FOXP1: variants seen among roughly 807,000 people sequenced by gnomAD.
FOXP1 encodes the protein forkhead box protein P1.
Under a neutral mutation model 98.2 loss-of-function variants are expected in FOXP1, and 15 were observed. That is an observed-to-expected ratio of 0.15 (90% CI 0.10 to 0.24). The LOEUF (loss-of-function observed/expected upper bound fraction) is 0.24, where lower values mean the gene tolerates loss of function less well. FOXP1 is among the 10% of genes least tolerant of loss of function. The probability of loss-of-function intolerance (pLI) is 1.00; values close to 1 mark genes in which losing one functional copy is unlikely to be tolerated. For synonymous variants in FOXP1, 371 were observed against 314.5 expected, an observed-to-expected ratio of 1.18 and a Z score of -1.90; for missense variants, 633 against 848.5, an observed-to-expected ratio of 0.75 and a Z score of 3.15.
chr3:71,038,128 G>T (rs1348964149), intron 11 of FOXP1, among the ~76,000 whole-genome samples: 8 of 152,210 alleles, frequency 5.3e-5, no homozygotes, highest in Non-Finnish European at 1.0e-4. Flanking sequence ...GGGGGCAAGA[G>T]TGGGGGAGAA....
At chr3:70,970,600 G>A (rs901612167) in intron 19 of FOXP1, 136 bp downstream of exon 19, 5 of 804,254 alleles carry the variant, frequency 6.2e-6, no homozygotes, top group African/African-American at 1.7e-5. Flanking sequence ...CAGGGAGTAT[G>A]ATGCTTTGTG....
rs566024265 is a variant in FOXP1, at chr3:71,096,445, G to A, written c.282+16091C>T. On this transcript the variant is annotated intron_variant, in intron 7 of 20. Coordinates refer to ENST00000649528, the MANE Select transcript of FOXP1 (RefSeq NM_001349338.3). ...GGGTAATAATTACCTTAGTTCTGATGCACCCCTAGGATTGAAAACCACTGA... is the reference window on the plus strand; with the variant it reads ...GGGTAATAATTACCTTAGTTCTGATACACCCCTAGGATTGAAAACCACTGA... Among the ~76,000 whole-genome samples the A allele has an allele frequency of 5.9e-5, 9 of 152,226 alleles. No individual in the cohort carries two copies. In the East Asian group the frequency reaches 7.7e-4, roughly 13 times the overall value.
rs1279866371 is a variant in FOXP1 at position 71,550,481 on chromosome 3, T to C, written c.-298+31068A>G. Among the ~76,000 whole-genome samples the C allele has an allele frequency of 3.9e-5, 6 of 152,336 alleles. No homozygotes were observed. The East Asian group carries it at 7.7e-4, about 20-fold the overall frequency. On this transcript the variant is annotated intron_variant, in intron 2 of 20. Transcript: ENST00000649528. ...ATATTTATAAAAACAATTAAAATCATACTGCCACAGAAGTTTTATTTAGTT... is the reference window on the plus strand; with the variant it reads ...ATATTTATAAAAACAATTAAAATCACACTGCCACAGAAGTTTTATTTAGTT...
chr3:71,344,801 C>A (rs954912045), intron 4 of FOXP1, among the ~76,000 whole-genome samples: 4 of 117,294 alleles, frequency 3.4e-5, no homozygotes, highest in Non-Finnish European at 7.6e-5. Flanking sequence ...CCATTGCAGT[C>A]CAGCCTGGGG....
At chr3:71,489,540 C>T (rs1007888290) in intron 3 of FOXP1, among the ~76,000 whole-genome samples, 21 of 152,222 alleles carry the variant, frequency 1.4e-4, no homozygotes, top group Non-Finnish European at 2.2e-4. Context: ...CTGTGGCTAA[C>T]TGCCGATTAA....
chr3:71,294,110 G>A (rs78811924), intron 5 of FOXP1, among the ~76,000 whole-genome samples: 1,540 of 152,276 alleles, frequency 0.01, 9 homozygotes, highest in Middle Eastern at 0.02. Flanking sequence ...AGGGGATGGC[G>A]GGAGGGCAGA....
rs1389192319 is a variant in FOXP1 at position 71,041,356 on chromosome 3, G to A, written c.841C>T (p.Leu281Phe). ...TCCCTTTTGGGAGTGTGGACTGAGAGCTGTCCATTGGTAGAGGCATGTGGG... is the reference window on the plus strand; with the variant it reads ...TCCCTTTTGGGAGTGTGGACTGAGAACTGTCCATTGGTAGAGGCATGTGGG... ...MNPHASTNGQ[L>F]SVHTPKRESL... Residue 281 changes from leucine to phenylalanine, a missense_variant, in exon 11 of 21, where the codon CTC (leucine) becomes TTC (phenylalanine). Around this residue, in one of 6 missense-constraint regions of FOXP1, gnomAD observed 210 missense variants for 270.6 expected, o/e 0.78. Transcript: ENST00000649528. The A allele has an allele frequency of 6.2e-7, 1 of 1,613,684 alleles. No homozygotes were observed. The highest frequency in any genetic ancestry group is 1.1e-5 in the South Asian group (1 of 91,084).
chr3:71,019,265 A>C (rs1440238044), intron 11 of FOXP1, among the ~76,000 whole-genome samples: 1 of 152,240 alleles, frequency 6.6e-6, no homozygotes, highest in Non-Finnish European at 1.5e-5. Flanking sequence ...TCTGATGGTA[A>C]ATAAAGCAGT....
At chr3:70,982,300 G>C (rs1360848625) in intron 14 of FOXP1, among the ~76,000 whole-genome samples, 1 of 152,198 alleles carries the variant, frequency 6.6e-6, no homozygotes, top group Non-Finnish European at 1.5e-5. Flanking sequence ...AATTAGAAAT[G>C]AAAGCATATG....
intron 5 of FOXP1, among the ~76,000 whole-genome samples, chr3:71,223,038 A>T (rs1010633677): frequency 6.6e-6 from 1 of 152,186 alleles, no homozygotes; most frequent in Non-Finnish European, 1.5e-5. Flanking sequence ...AGCTGTCATC[A>T]TCTTTCTCCT....
chr3:71,579,489 G>A (rs180929860), intron 2 of FOXP1, among the ~76,000 whole-genome samples: 1 of 152,228 alleles, frequency 6.6e-6, no homozygotes, highest in East Asian at 1.9e-4. Context: ...AATAAAAGTA[G>A]CAACGTGGTC....
chr3:71,546,221 G>A (rs1578122553), intron 2 of FOXP1, among the ~76,000 whole-genome samples: 1 of 152,122 alleles, frequency 6.6e-6, no homozygotes, highest in African/African-American at 2.4e-5. Context: ...AGAGAGTGAA[G>A]GTAACTGGTC....
intron 12 of FOXP1, among the ~76,000 whole-genome samples, chr3:71,008,359 G>GA (rs1389499473): frequency 6.6e-6 from 1 of 152,084 alleles, no homozygotes; most frequent in African/African-American, 2.4e-5. Context: ...CACCTGGTTT[G>GA]AAAAGAAGAA....
intron 3 of FOXP1, among the ~76,000 whole-genome samples, chr3:71,455,060 G>T (rs1285467447): frequency 6.6e-6 from 1 of 152,002 alleles, no homozygotes; most frequent in African/African-American, 2.4e-5. Flanking sequence ...AATGAGGCGG[G>T]GGCAGTGTTC....
intron 7 of FOXP1, among the ~76,000 whole-genome samples, chr3:71,092,538 C>T (rs1420706840): frequency 3.3e-5 from 5 of 152,056 alleles, no homozygotes; most frequent in South Asian, 2.1e-4. Flanking sequence ...TCTGTGGAAC[C>T]GAAGCAAACC....
intron 7 of FOXP1, among the ~76,000 whole-genome samples, chr3:71,082,206 G>A (rs2054503198): frequency 6.6e-6 from 1 of 151,592 alleles, no homozygotes; most frequent in Non-Finnish European, 1.5e-5. Context: ...TTGAACTTGG[G>A]AGGCAGAGGT....
Position 70,958,887 on chromosome 3 carries a change from C to T in FOXP1, c.*360G>A. ...AGGTGCACAAGCTCTGTCGGGCGTC[C>T]TCAGTGTCCAACGTTGGCAGGACTG... On this transcript the variant is annotated 3_prime_UTR_variant, in exon 21 of 21. Transcript: ENST00000649528. 1 of 411,214 alleles carries T rather than the reference C, an allele frequency of 2.4e-6. No homozygotes were observed. Among genetic ancestry groups the T allele is most frequent in the Non-Finnish European group, 4.5e-6 (1 of 220,804 alleles). The allele number at this position is 411,214 out of a possible 1,614,324, so 25.5% of individuals were successfully genotyped here. A position where few individuals can be genotyped will look rare whatever the true frequency, so the allele number is the denominator to read the frequency against.
chr3:71,225,048 A>G (rs556612150), intron 5 of FOXP1, among the ~76,000 whole-genome samples: 10 of 152,340 alleles, frequency 6.6e-5, no homozygotes, highest in South Asian at 4.1e-4. Flanking sequence ...ACCACACTCA[A>G]GGAACAATAT....
chr3:71,532,341 C>T (rs1224970973), intron 2 of FOXP1, among the ~76,000 whole-genome samples: 1 of 152,146 alleles, frequency 6.6e-6, no homozygotes, highest in African/African-American at 2.4e-5. Flanking sequence ...AAGCGATCTG[C>T]CTACTTCGGC....
Sources: gnomAD v4.1 joint callset for allele counts (sites outside exome capture counted in the v4.1 genomes callset) on GRCh38, gnomAD v4.1.1 for gene constraint, gnomAD v4.1.1 regional missense constraint, MANE v1.5 for transcripts, NCBI Gene and HGNC (gene_info 2026-07-23, HGNC 2026-07-21) for gene names.